The following SCN11A variants were observed in gnomAD, a reference collection of about 807,000 sequenced individuals.
The protein encoded by SCN11A is sodium channel protein type 11 subunit alpha.
Under a neutral mutation model 162.2 loss-of-function variants are expected in SCN11A, and 122 were observed. The ratio of observed to expected loss-of-function variants is 0.75; its 90% confidence interval spans 0.65 to 0.87. SCN11A has a LOEUF of 0.87. Ranked by LOEUF, SCN11A falls within the 40% of genes least tolerant of loss-of-function variation. The pLI is 0.00. For synonymous variants in SCN11A, 758 were observed against 751.5 expected (o/e 1.01, Z -0.14); for missense variants, 2,015 against 2,181.6 (o/e 0.92, Z 1.52).
At chr3:39,014,829 G>A (rs2031244587) in intron 2 of SCN11A, among the ~76,000 whole-genome samples, 1 of 152,198 alleles carries the variant, frequency 6.6e-6, no homozygotes, top group Admixed American at 6.5e-5. Context: ...CTTAATGATG[G>A]AAGGGCTTCT....
intron 2 of SCN11A, among the ~76,000 whole-genome samples, chr3:39,009,350 A>G (rs1175975070): frequency 6.6e-6 from 1 of 151,814 alleles, no homozygotes; most frequent in African/African-American, 2.4e-5. Flanking sequence ...ATATAATCAA[A>G]AGCTCTTTGG....
intron 19 of SCN11A, among the ~76,000 whole-genome samples, chr3:38,892,371 T>C (rs1471463905): frequency 6.6e-6 from 1 of 152,222 alleles, no homozygotes; most frequent in African/African-American, 2.4e-5. Flanking sequence ...TTTCTTCTTT[T>C]AGCTGATTTC....
At chr3:38,896,044 T>C (rs2065592237) in intron 18 of SCN11A, among the ~76,000 whole-genome samples, 1 of 152,314 alleles carries the variant, frequency 6.6e-6, no homozygotes. Context: ...CAGCTGCAAG[T>C]AACAGACTCA....
intron 23 of SCN11A, among the ~76,000 whole-genome samples, chr3:38,875,448 A>G (rs1186648115): frequency 1.3e-5 from 2 of 152,092 alleles, no homozygotes; most frequent in Non-Finnish European, 2.9e-5. Context: ...GATTGTATAC[A>G]TAGAAAATCC....
chr3:38,963,365 A>ATG (rs2066755496), intron 2 of SCN11A, among the ~76,000 whole-genome samples: 1 of 73,238 alleles, frequency 1.4e-5, no homozygotes, highest in African/African-American at 9.4e-5. Context: ...ATATATATAT[A>ATG]TATATATATA....
At chr3:38,920,568 G>A (rs1279539857) in intron 10 of SCN11A, among the ~76,000 whole-genome samples, 3 of 151,710 alleles carry the variant, frequency 2.0e-5, no homozygotes, top group East Asian at 1.9e-4. Context: ...GCACATGCCT[G>A]TAATCCCAGC....
intron 17 of SCN11A, among the ~76,000 whole-genome samples, chr3:38,899,500 C>T (rs1009659405): frequency 6.6e-6 from 1 of 152,170 alleles, no homozygotes. Flanking sequence ...GTCTTTGCCC[C>T]CCTTGGCGAG....
chr3:38,985,959 G>A (rs1188645115), intron 2 of SCN11A, among the ~76,000 whole-genome samples: 1 of 150,954 alleles, frequency 6.6e-6, no homozygotes, highest in East Asian at 1.9e-4. Flanking sequence ...GCTCACTCAT[G>A]AGGCAAGGTT....
At chr3:38,908,971 C>T (rs749309010) in intron 13 of SCN11A, 26 bp downstream of exon 13, 4 of 1,608,022 alleles carry the variant, frequency 2.5e-6, no homozygotes, top group South Asian at 1.1e-5. Context: ...CAGAGCAGAT[C>T]CCACTGTCTG....
intron 19 of SCN11A, among the ~76,000 whole-genome samples, chr3:38,891,825 C>T (rs955878585): frequency 1.4e-4 from 22 of 152,170 alleles, no homozygotes; most frequent in African/African-American, 5.1e-4. Context: ...ATCTAATCAC[C>T]TATTAAAGGT....
intron 9 of SCN11A, among the ~76,000 whole-genome samples, chr3:38,921,555 AC>A (rs1207495396): frequency 1.3e-5 from 2 of 152,134 alleles, no homozygotes; most frequent in Non-Finnish European, 2.9e-5. Context: ...TGCCACACGG[AC>A]TCAAGGCATA....
At chr3:39,017,910 G>A (rs1192507411) in intron 2 of SCN11A, among the ~76,000 whole-genome samples, 3 of 152,174 alleles carry the variant, frequency 2.0e-5, no homozygotes, top group Non-Finnish European at 4.4e-5. Context: ...GGCAGATATA[G>A]TGAAATTTAC....
At chr3:38,997,110 T>C (rs1448968340) in intron 2 of SCN11A, among the ~76,000 whole-genome samples, 4 of 152,166 alleles carry the variant, frequency 2.6e-5, no homozygotes, top group East Asian at 3.9e-4. Flanking sequence ...TCATGTCATG[T>C]CACTGCTCTG....
In SCN11A at chr3:38,928,240, G is replaced by T. The variant is rs188719539; in HGVS notation, c.489-1309C>A. ...TTGAAAGTCATATACCTAACAAGGG[G>T]TTAACATCCAGAATATGTAAATAAC... On this transcript the variant is annotated intron_variant, in intron 7 of 29. Coordinates refer to ENST00000302328, the MANE Select transcript of SCN11A (RefSeq NM_001349253.2). 2.4e-3 allele frequency among the ~76,000 whole-genome samples: 370 copies of T among 152,262 alleles called. 1 individual carries two copies. Among genetic ancestry groups the T allele is most frequent in the Middle Eastern group, 0.014 (4 of 294 alleles).
intron 7 of SCN11A, among the ~76,000 whole-genome samples, chr3:38,943,539 C>T (rs978267263): frequency 6.6e-6 from 1 of 152,000 alleles, no homozygotes; most frequent in African/African-American, 2.4e-5. Context: ...AATATTTATA[C>T]AAATATAGAA....
At chr3:38,977,678 C>A (rs2066857392) in intron 2 of SCN11A, among the ~76,000 whole-genome samples, 1 of 152,116 alleles carries the variant, frequency 6.6e-6, no homozygotes, top group Admixed American at 6.6e-5. Flanking sequence ...CCACTGATAC[C>A]CAAATTGGAA....
At chr3:38,984,443 G>C (rs2030162760) in intron 2 of SCN11A, among the ~76,000 whole-genome samples, 1 of 152,086 alleles carries the variant, frequency 6.6e-6, no homozygotes, top group South Asian at 2.1e-4. Context: ...CAAGGGGGTA[G>C]ATGGTAAAAG....
chr3:39,022,591 A>G (rs1339581226), intron 2 of SCN11A, among the ~76,000 whole-genome samples: 1 of 152,162 alleles, frequency 6.6e-6, no homozygotes, highest in African/African-American at 2.4e-5. Context: ...AGTTAAACAC[A>G]GTTTTTCTTG....
At chr3:38,995,912 A>G (rs1292205214) in intron 2 of SCN11A, among the ~76,000 whole-genome samples, 1 of 152,114 alleles carries the variant, frequency 6.6e-6, no homozygotes, top group Non-Finnish European at 1.5e-5. Context: ...ACAGATAAGG[A>G]TGTATATAGA....
Sources: gnomAD v4.1 joint callset for allele counts (sites outside exome capture counted in the v4.1 genomes callset) on GRCh38, gnomAD v4.1.1 for gene constraint, MANE v1.5 for transcripts, NCBI Gene and HGNC (gene_info 2026-07-23, HGNC 2026-07-21) for gene names.